Variants in ADCY5 observed in about 807,000 individuals in gnomAD.
The protein encoded by ADCY5 is adenylate cyclase 5, also known as adenylate cyclase type 5.
In ADCY5, 30 loss-of-function variants were observed where a neutral mutation model predicts 119.7. That is an observed-to-expected ratio of 0.25 (90% CI 0.19 to 0.34). The LOEUF (loss-of-function observed/expected upper bound fraction) is 0.34, where lower values mean the gene tolerates loss of function less well. Ranked by LOEUF, ADCY5 falls within the 10% of genes least tolerant of loss-of-function variation. The pLI is 1.00. For synonymous variants in ADCY5, 753 were observed against 762.2 expected (o/e 0.99, Z 0.20); for missense variants, 1,324 against 1,775.2 (o/e 0.75, Z 4.57).
At chr3:123,364,480 A>G (rs2055169) in intron 1 of ADCY5, among the ~76,000 whole-genome samples, 147,831 of 152,248 alleles carry the variant, frequency 0.97, 71,938 homozygotes, top group East Asian at 1. Flanking sequence ...GGGCATACAG[A>G]TGATGCAAAC....
chr3:123,416,488 C>T, intron 1 of ADCY5: 1 of 677,370 alleles, frequency 1.5e-6, no homozygotes, highest in Non-Finnish European at 2.4e-6. Context: ...GGACGCAGAA[C>T]AAGTCTCTCA....
intron 15 of ADCY5, among the ~76,000 whole-genome samples, chr3:123,299,418 T>C (rs954561829): frequency 2.0e-5 from 3 of 152,188 alleles, no homozygotes; most frequent in Admixed American, 2.0e-4. Context: ...AATTATGAGG[T>C]TCAGAGGAAT....
intron 11 of ADCY5, among the ~76,000 whole-genome samples, chr3:123,317,039 G>C (rs1940948060): frequency 6.6e-6 from 1 of 152,092 alleles, no homozygotes. Flanking sequence ...ATGTATGTGT[G>C]TGTGTGTGTG....
At chr3:123,398,261 C>G (rs2107603542) in intron 1 of ADCY5, among the ~76,000 whole-genome samples, 1 of 152,232 alleles carries the variant, frequency 6.6e-6, no homozygotes, top group South Asian at 2.1e-4. Flanking sequence ...GCTCCCCCTG[C>G]CCCTCTACTG....
At position 123,447,650 on chromosome 3, in the gene ADCY5, C is replaced by A. The variant is rs1398675828; in HGVS notation, c.896G>T (p.Gly299Val). ...GGCGATGAGCGCATAGCAGGCCAGG[C>A]CCATGTGGTCCTGGTGGAAGGCGGC... is the stretch of plus-strand genomic sequence containing the variant. ...NRAAFHQDHM[G>V]LACYALIAVV... Residue 299 changes from glycine (G) to valine (V), a missense_variant, in exon 1 of 21, where the codon GGC (glycine) becomes GTC (valine). By Grantham distance (109) the Gly-to-Val change is moderately radical. Around this residue, in one of 6 missense-constraint regions of ADCY5, gnomAD observed 585 missense variants for 569.9 expected, o/e 1.03. Transcript: ENST00000462833. 1 of 1,608,050 alleles carries A rather than the reference C, an allele frequency of 6.2e-7. No homozygotes were observed. Among genetic ancestry groups the A allele is most frequent in the Non-Finnish European group, 8.5e-7 (1 of 1,177,474 alleles).
intron 1 of ADCY5, among the ~76,000 whole-genome samples, chr3:123,446,033 G>A (rs1276196189): frequency 2.6e-5 from 4 of 152,146 alleles, no homozygotes; most frequent in Admixed American, 1.3e-4. Flanking sequence ...TGGGGCAGAG[G>A]ACGTTAGAAG....
intron 16 of ADCY5, chr3:123,297,096 A>G (rs1288763452): frequency 7.9e-6 from 12 of 1,510,252 alleles, no homozygotes; most frequent in Non-Finnish European, 8.9e-6. Context: ...CATGAGGCCT[A>G]TGGGATGATC....
At chr3:123,346,245 C>A (rs1942544524) in intron 3 of ADCY5, among the ~76,000 whole-genome samples, 2 of 152,226 alleles carry the variant, frequency 1.3e-5, no homozygotes, top group African/African-American at 4.8e-5. Context: ...GCCCGGAAGT[C>A]CGGCCACCAA....
rs1421425597 is a variant in ADCY5, at chr3:123,314,326, G to A, written c.2355-4C>T. ...GAAGCTGAGCATGAATATGGAGCTG[G>A]AAGGAGAGAGGAGGGGAGGGAGAAG... On this transcript the variant is annotated splice_region_variant and splice_polypyrimidine_tract_variant and intron_variant, in intron 11 of 20. Coordinates refer to ENST00000462833, the MANE Select transcript of ADCY5 (RefSeq NM_183357.3). 3 of 1,609,006 alleles carry A rather than the reference G, an allele frequency of 1.9e-6. No individual in the cohort carries two copies. Among genetic ancestry groups the A allele is most frequent in the Non-Finnish European group, 2.6e-6 (3 of 1,176,132 alleles).
intron 1 of ADCY5, among the ~76,000 whole-genome samples, chr3:123,382,306 A>G (rs1194446947): frequency 6.6e-6 from 1 of 152,236 alleles, no homozygotes; most frequent in Non-Finnish European, 1.5e-5. Flanking sequence ...CAGAACCTCC[A>G]GGCATTGCTG....
chr3:123,405,098 T>G (rs1944866886), intron 1 of ADCY5, among the ~76,000 whole-genome samples: 1 of 152,236 alleles, frequency 6.6e-6, no homozygotes, highest in Non-Finnish European at 1.5e-5. Context: ...CTGCTGGAAG[T>G]GCCACCTGTC....
chr3:123,409,846 G>A (rs1944997348), intron 1 of ADCY5, among the ~76,000 whole-genome samples: 1 of 152,206 alleles, frequency 6.6e-6, no homozygotes, highest in South Asian at 2.1e-4. Flanking sequence ...CCAAGCCCCA[G>A]TTGGATGAGC....
At chr3:123,424,754 G>A (rs941756571) in intron 1 of ADCY5, among the ~76,000 whole-genome samples, 3 of 151,804 alleles carry the variant, frequency 2.0e-5, no homozygotes, top group African/African-American at 7.3e-5. Context: ...TTTGAAGGGT[G>A]TGTGTGTGTG....
intron 1 of ADCY5, among the ~76,000 whole-genome samples, chr3:123,363,140 C>G (rs35673177): frequency 9.8e-6 from 1 of 101,728 alleles, no homozygotes; most frequent in Non-Finnish European, 1.8e-5. Flanking sequence ...AAGATTCCTT[C>G]TTGAAAAAAA....
At chr3:123,420,262 CACAT>C (rs1242695095) in intron 1 of ADCY5, 1 of 152,308 alleles carries the variant, frequency 6.6e-6, no homozygotes, top group Non-Finnish European at 1.5e-5. Flanking sequence ...TATCCACACT[CACAT>C]GCATGCACAG....
In ADCY5 at chr3:123,447,382, T is replaced by G. The variant is rs1171354814; in HGVS notation, c.1134+30A>C. 3.3e-6 allele frequency: 5 copies of G among 1,505,244 alleles called. No individual in the cohort carries two copies. The Admixed American group carries it at 8.8e-5, about 27-fold the overall frequency. The allele number at this position is 1,505,244 out of a possible 1,614,324, so 93.2% of individuals were successfully genotyped here. A position where few individuals can be genotyped will look rare whatever the true frequency, so the allele number is the denominator to read the frequency against. On this transcript the variant is annotated intron_variant, in intron 1 of 20. Coordinates refer to ENST00000462833, the MANE Select transcript of ADCY5 (RefSeq NM_183357.3). Reference sequence around the variant, plus strand: ...CAGCTGAGGCCTGCCCGCCCCGCAATCCAGTCCCGGTGGCCAGGTCGGCCC... The same window carrying G: ...CAGCTGAGGCCTGCCCGCCCCGCAAGCCAGTCCCGGTGGCCAGGTCGGCCC...
rs567847975 is a variant in ADCY5 at position 123,314,116 on chromosome 3, C to T, written c.2442+119G>A. ...AGGTGTGGCTGGCATCAGGCACTCT[C>T]CCACCCCTGCCAAGCACAATACTCG... On this transcript the variant is annotated intron_variant, in intron 12 of 20. Coordinates refer to ENST00000462833, the MANE Select transcript of ADCY5 (RefSeq NM_183357.3). 73 of 758,778 alleles carry T rather than the reference C, an allele frequency of 9.6e-5. No individual in the cohort carries two copies. The East Asian group carries it at 1.9e-3, about 19-fold the overall frequency. 47.0% of individuals were successfully genotyped at this position (758,778 alleles called of 1,614,324 possible).
chr3:123,437,688 G>A (rs1483567694), intron 1 of ADCY5, among the ~76,000 whole-genome samples: 3 of 152,138 alleles, frequency 2.0e-5, no homozygotes, highest in African/African-American at 7.2e-5. Flanking sequence ...TCCTCCTTTT[G>A]GAGAGTGGGG....
Position 123,399,570 on chromosome 3 carries a change from T to C in ADCY5, c.1135-46989A>G, listed in dbSNP as rs2107605681. 2.6e-5 allele frequency among the ~76,000 whole-genome samples: 4 copies of C among 152,330 alleles called. No homozygotes were observed. The Middle Eastern group carries it at 0.01, about 389-fold the overall frequency. ...GTAAAATCTACCCTCTTAACACATTTTGAAGTGGAGAGTACATTATTGTTA... is the reference window on the plus strand; with the variant it reads ...GTAAAATCTACCCTCTTAACACATTCTGAAGTGGAGAGTACATTATTGTTA... On this transcript the variant is annotated intron_variant, in intron 1 of 20. Transcript: ENST00000462833.
Sources: allele counts gnomAD v4.1 joint callset (sites outside exome capture counted in the v4.1 genomes callset), GRCh38; gene constraint gnomAD v4.1.1; regional missense constraint gnomAD v4.1.1; transcripts MANE v1.5; gene names NCBI Gene and HGNC (gene_info 2026-07-23, HGNC 2026-07-21).